The following EEFSEC variants were observed in gnomAD, a reference collection of about 807,000 sequenced individuals.
The protein encoded by EEFSEC is eukaryotic elongation factor, selenocysteine-tRNA specific, also known as selenocysteine-specific elongation factor.
EEFSEC carries 43 observed loss-of-function variants against 42.1 expected under a neutral mutation model. The observed-to-expected ratio is 1.02, with a 90% CI of 0.80 to 1.32. The LOEUF is 1.32. Among genes scored for constraint, EEFSEC ranks in the 40% most tolerant of loss-of-function variants. The pLI is 0.00. For synonymous variants in EEFSEC, 354 were observed against 339.1 expected (o/e 1.04, Z -0.48); for missense variants, 745 against 803.6 (o/e 0.93, Z 0.88).
chr3:128,356,688 C>T (rs1032493124), intron 5 of EEFSEC, among the ~76,000 whole-genome samples: 3 of 152,154 alleles, frequency 2.0e-5, no homozygotes, highest in Admixed American at 1.3e-4. Flanking sequence ...CCCCAGGCAC[C>T]CTGCTCCCTT....
At chr3:128,350,849 C>T (rs999831835) in intron 5 of EEFSEC, among the ~76,000 whole-genome samples, 1 of 152,208 alleles carries the variant, frequency 6.6e-6, no homozygotes, top group Admixed American at 6.5e-5. Flanking sequence ...GGCCTCTGCT[C>T]TTCCCACCAC....
At chr3:128,183,054 G>A (rs2065428767) in intron 1 of EEFSEC, among the ~76,000 whole-genome samples, 1 of 152,188 alleles carries the variant, frequency 6.6e-6, no homozygotes, top group African/African-American at 2.4e-5. Context: ...TTTACTAGCT[G>A]AATGATCTTT....
intron 1 of EEFSEC, among the ~76,000 whole-genome samples, chr3:128,237,101 C>T (rs2066020758): frequency 6.6e-6 from 1 of 152,176 alleles, no homozygotes; most frequent in Non-Finnish European, 1.5e-5. Flanking sequence ...TGGACTGTCG[C>T]TCTTTTTAAA....
chr3:128,364,384 T>C (rs557458650), intron 6 of EEFSEC, among the ~76,000 whole-genome samples: 1 of 152,236 alleles, frequency 6.6e-6, no homozygotes, highest in East Asian at 1.9e-4. Context: ...GCAAGCTTCC[T>C]GGAGGAGTAG....
chr3:128,237,717 C>T (rs1034066406), intron 1 of EEFSEC, among the ~76,000 whole-genome samples: 2 of 152,136 alleles, frequency 1.3e-5, no homozygotes, highest in African/African-American at 4.8e-5. Context: ...CTATCTTGTC[C>T]AGGGCCATTT....
At chr3:128,213,218 T>C (rs1295563708) in intron 1 of EEFSEC, among the ~76,000 whole-genome samples, 1 of 152,144 alleles carries the variant, frequency 6.6e-6, no homozygotes, top group African/African-American at 2.4e-5. Flanking sequence ...AAACCTTTCG[T>C]CTTCCGGATC....
intron 1 of EEFSEC, among the ~76,000 whole-genome samples, chr3:128,183,648 C>T (rs902754742): frequency 6.6e-6 from 1 of 152,228 alleles, no homozygotes; most frequent in Admixed American, 6.5e-5. Flanking sequence ...CTTACCTTCT[C>T]ATGGTATTGT....
intron 1 of EEFSEC, among the ~76,000 whole-genome samples, chr3:128,194,185 A>G (rs1171643476): frequency 1.3e-5 from 2 of 152,184 alleles, no homozygotes; most frequent in African/African-American, 2.4e-5. Flanking sequence ...GGGTGCCCAC[A>G]TGGTGTTTTT....
intron 4 of EEFSEC, among the ~76,000 whole-genome samples, chr3:128,312,869 C>T (rs994839813): frequency 1.3e-5 from 2 of 152,164 alleles, no homozygotes; most frequent in African/African-American, 4.8e-5. Flanking sequence ...TTCTGCATTA[C>T]CATATATAGA....
At chr3:128,327,301 C>A (rs564710014) in intron 4 of EEFSEC, among the ~76,000 whole-genome samples, 106 of 140,006 alleles carry the variant, frequency 7.6e-4, no homozygotes, top group African/African-American at 1.1e-3. Flanking sequence ...TCCCCCCCCC[C>A]CCAAGGTTGT....
chr3:128,264,822 C>T (rs372885772), intron 4 of EEFSEC, 41 bp downstream of exon 4: 275 of 1,591,010 alleles, frequency 1.7e-4, no homozygotes, highest in Non-Finnish European at 2.2e-4. Flanking sequence ...TCCTCGCTGG[C>T]AGCAAGGGAG....
At chr3:128,211,348 G>T (rs1409260836) in intron 1 of EEFSEC, among the ~76,000 whole-genome samples, 1 of 151,960 alleles carries the variant, frequency 6.6e-6, no homozygotes, top group Non-Finnish European at 1.5e-5. Context: ...TGAACTCCTG[G>T]GTTCAAGGAA....
At chr3:128,397,335 C>G (rs541691835) in intron 6 of EEFSEC, among the ~76,000 whole-genome samples, 1 of 152,194 alleles carries the variant, frequency 6.6e-6, no homozygotes, top group Admixed American at 6.5e-5. Context: ...GGATGGGAAT[C>G]GCTGCTCCCT....
chr3:128,269,764 G>T (rs956669157), intron 4 of EEFSEC, among the ~76,000 whole-genome samples: 7 of 152,230 alleles, frequency 4.6e-5, no homozygotes, highest in African/African-American at 1.7e-4. Flanking sequence ...TTAGTCCCTA[G>T]AACAGTTTAA....
chr3:128,184,407 G>C (rs2065443770), intron 1 of EEFSEC, among the ~76,000 whole-genome samples: 2 of 152,130 alleles, frequency 1.3e-5, no homozygotes, highest in Admixed American at 1.3e-4. Context: ...GGACTACTAA[G>C]TGGAATCATA....
chr3:128,386,556 C>T (rs1315731719), intron 6 of EEFSEC, among the ~76,000 whole-genome samples: 1 of 152,052 alleles, frequency 6.6e-6, no homozygotes, highest in African/African-American at 2.4e-5. Flanking sequence ...CACAGCCAGG[C>T]CCCATGGCTG....
intron 1 of EEFSEC, among the ~76,000 whole-genome samples, chr3:128,224,896 A>T (rs1372439756): frequency 1.3e-5 from 2 of 152,234 alleles, no homozygotes; most frequent in African/African-American, 4.8e-5. Context: ...GAGGAGCCCG[A>T]GGCTCAGAGA....
At chr3:128,305,966 T>A (rs1177913128) in intron 4 of EEFSEC, among the ~76,000 whole-genome samples, 2 of 152,234 alleles carry the variant, frequency 1.3e-5, no homozygotes. Context: ...TTCCACTGTA[T>A]GTTACTTTCT....
rs965225321 is a variant in EEFSEC at position 128,406,524 on chromosome 3, C to T, written c.1601-1545C>T. ...TAAGAGAATAGATTTTAAATGTTCT[C>T]ATCACCAAAATAAGTATGTGAGGTG... On this transcript the variant is annotated intron_variant, in intron 6 of 6. Coordinates refer to ENST00000254730, the MANE Select transcript of EEFSEC (RefSeq NM_021937.5). 5.3e-5 allele frequency among the ~76,000 whole-genome samples: 8 copies of T among 152,296 alleles called. No homozygotes were observed. In the East Asian group the frequency reaches 1.2e-3, roughly 22 times the overall value.
Sources: gnomAD v4.1 joint callset for allele counts (sites outside exome capture counted in the v4.1 genomes callset) on GRCh38, gnomAD v4.1.1 for gene constraint, MANE v1.5 for transcripts, NCBI Gene and HGNC (gene_info 2026-07-23, HGNC 2026-07-21) for gene names.